PHACTR1: variants seen among roughly 807,000 people sequenced by gnomAD.
PHACTR1 encodes RPEL repeat containing 1.
PHACTR1 carries 16 observed loss-of-function variants against 69.2 expected under a neutral mutation model. The ratio of observed to expected loss-of-function variants is 0.23; its 90% CI spans 0.16 to 0.35. PHACTR1 has a LOEUF of 0.35. PHACTR1 is among the 10% of genes least tolerant of loss of function. The pLI is 1.00. For missense variants in PHACTR1, 510 were observed against 734.7 expected (o/e 0.69, Z 3.54); for synonymous variants, 312 against 284.5 (o/e 1.10, Z -0.97).
chr6:12,764,585 G>A (rs191232760), intron 4 of PHACTR1, among the ~76,000 whole-genome samples: 39 of 152,148 alleles, frequency 2.6e-4, no homozygotes, highest in Admixed American at 1.6e-3. Context: ...CCCCTGAGTG[G>A]GAGAACACGG....
chr6:13,239,671 T>C (rs750156857), intron 10 of PHACTR1, among the ~76,000 whole-genome samples: 1 of 152,220 alleles, frequency 6.6e-6, no homozygotes, highest in Non-Finnish European at 1.5e-5. Flanking sequence ...CCTACAGCCA[T>C]TGAACATGTC....
intron 5 of PHACTR1, among the ~76,000 whole-genome samples, chr6:13,157,340 G>A (rs1182814695): frequency 6.6e-6 from 1 of 152,168 alleles, no homozygotes; most frequent in Non-Finnish European, 1.5e-5. Flanking sequence ...TCTTAAGGAG[G>A]ACTGATCTTA....
At chr6:13,263,238 G>GTTTTTTTTTTTT (rs57164668) in intron 10 of PHACTR1, among the ~76,000 whole-genome samples, 6 of 84,274 alleles carry the variant, frequency 7.1e-5, no homozygotes, top group East Asian at 4.3e-4. Flanking sequence ...GGCTTTTAGT[G>GTTTTTTTTTTTT]TTTTTTTTTT....
intron 5 of PHACTR1, among the ~76,000 whole-genome samples, chr6:13,084,547 T>G (rs1405823403): frequency 6.7e-6 from 1 of 149,062 alleles, no homozygotes; most frequent in Non-Finnish European, 1.5e-5. Context: ...TAATACAAAT[T>G]AAAAAAAAAG....
At chr6:13,111,087 C>T (rs949686551) in intron 5 of PHACTR1, among the ~76,000 whole-genome samples, 37 of 152,242 alleles carry the variant, frequency 2.4e-4, no homozygotes, top group African/African-American at 8.9e-4. Flanking sequence ...CCCTCAGTTA[C>T]ACTGCATTAG....
chr6:12,892,672 T>A (rs1784277516), intron 4 of PHACTR1, among the ~76,000 whole-genome samples: 1 of 152,054 alleles, frequency 6.6e-6, no homozygotes, highest in Admixed American at 6.5e-5. Context: ...TTTCCCCCCA[T>A]GGAAAAAAAG....
At chr6:12,777,625 CTT>C (rs869096915) in intron 4 of PHACTR1, among the ~76,000 whole-genome samples, 85 of 98,984 alleles carry the variant, frequency 8.6e-4, no homozygotes, top group African/African-American at 2.9e-3. Flanking sequence ...CTTTCTTCTT[CTT>C]TTTTTTTTTT....
At position 13,219,386 on chromosome 6, in the gene PHACTR1, G is replaced by A. The variant is rs925487622; in HGVS notation, c.987-8430G>A. ...GCCTGTGAATGTGTAATGTGATGTC[G>A]GGCAGGGACGGGGCACTGAAGAACC... On this transcript the variant is annotated intron_variant, in intron 8 of 14. Coordinates refer to ENST00000332995, the MANE Select transcript of PHACTR1 (RefSeq NM_030948.6). 3.3e-5 allele frequency among the ~76,000 whole-genome samples: 5 copies of A among 152,110 alleles called. No individual in the cohort carries two copies. In the East Asian group the frequency reaches 9.6e-4, roughly 29 times the overall value.
intron 5 of PHACTR1, among the ~76,000 whole-genome samples, chr6:13,065,727 T>C (rs112108015): frequency 1.1e-3 from 175 of 152,226 alleles, no homozygotes; most frequent in African/African-American, 4.0e-3. Flanking sequence ...CTCAGGGAAA[T>C]TGAAACATCA....
intron 4 of PHACTR1, among the ~76,000 whole-genome samples, chr6:13,035,078 A>G (rs773448499): frequency 3.9e-5 from 6 of 152,200 alleles, no homozygotes; most frequent in Non-Finnish European, 7.3e-5. Context: ...CTGGCATGAT[A>G]ATATTGTGAA....
intron 4 of PHACTR1, among the ~76,000 whole-genome samples, chr6:12,768,809 TACACACACACACACACACACACACAC>T (rs4053038): frequency 1.2e-3 from 147 of 123,356 alleles, no homozygotes; most frequent in Non-Finnish European, 1.9e-3. Context: ...ATGTGCTATC[TACACACACACACACACACACACACAC>T]ACACACACAC....
At chr6:13,051,111 G>A (rs1291989554) in intron 4 of PHACTR1, among the ~76,000 whole-genome samples, 2 of 151,878 alleles carry the variant, frequency 1.3e-5, no homozygotes. Flanking sequence ...TCTCGATCAG[G>A]CCGACCCCCC....
intron 4 of PHACTR1, among the ~76,000 whole-genome samples, chr6:12,858,630 CA>C (rs960026024): frequency 2.0e-5 from 3 of 151,180 alleles, no homozygotes; most frequent in Non-Finnish European, 3.0e-5. Flanking sequence ...CCCATCTCTA[CA>C]AAAAAAAATT....
At chr6:12,717,120 C>T (rs1287991406) in intron 1 of PHACTR1, among the ~76,000 whole-genome samples, 2 of 152,032 alleles carry the variant, frequency 1.3e-5, no homozygotes, top group Non-Finnish European at 2.9e-5. Context: ...GGTGGCTGTT[C>T]TGTGTATTAA....
chr6:13,167,164 A>G (rs1463266708), intron 6 of PHACTR1, among the ~76,000 whole-genome samples: 1 of 152,214 alleles, frequency 6.6e-6, no homozygotes, highest in African/African-American at 2.4e-5. Context: ...TGGGATTTAT[A>G]GGGACACAGG....
intron 4 of PHACTR1, among the ~76,000 whole-genome samples, chr6:12,845,436 C>CACT (rs1189971330): frequency 1.8e-5 from 1 of 55,726 alleles, no homozygotes; most frequent in Admixed American, 1.4e-4. Context: ...CCCACCCCCC[C>CACT]CCCCCCCGCC....
rs560172486 is a variant in PHACTR1 at position 12,992,026 on chromosome 6, A to G, written c.251-61339A>G. ...TTCTAGCACCCCAAATCCACCGACA[A>G]CACACACATTGTTATTTTACCACGT... On this transcript the variant is annotated intron_variant, in intron 4 of 14. Transcript: ENST00000332995. Among the ~76,000 whole-genome samples the G allele has an allele frequency of 5.3e-5, 8 of 152,144 alleles. No homozygotes were observed. In the South Asian group the frequency reaches 1.7e-3, roughly 32 times the overall value.
intron 5 of PHACTR1, among the ~76,000 whole-genome samples, chr6:13,057,442 T>C (rs918109600): frequency 1.3e-5 from 2 of 152,214 alleles, no homozygotes; most frequent in Non-Finnish European, 2.9e-5. Flanking sequence ...TATTTGTATT[T>C]AAAATTATAT....
intron 4 of PHACTR1, among the ~76,000 whole-genome samples, chr6:12,991,832 A>T (rs756535660): frequency 2.8e-4 from 42 of 152,272 alleles, no homozygotes; most frequent in African/African-American, 9.1e-4. Context: ...CTTGCTCAAG[A>T]CCTCAAATAA....
Sources: gnomAD v4.1 joint callset for allele counts (sites outside exome capture counted in the v4.1 genomes callset) on GRCh38, gnomAD v4.1.1 for gene constraint, MANE v1.5 for transcripts, NCBI Gene and HGNC (gene_info 2026-07-23, HGNC 2026-07-21) for gene names.